Variants in NLRP13 observed in about 807,000 individuals in gnomAD.
NLRP13 encodes NACHT, LRR and PYD domains-containing protein 13.
Under a neutral mutation model 94.4 loss-of-function variants are expected in NLRP13, and 82 were observed. The ratio of observed to expected loss-of-function variants is 0.87; its 90% CI spans 0.73 to 1.04. The LOEUF (loss-of-function observed/expected upper bound fraction) is 1.04, where lower values mean the gene tolerates loss of function less well. Among genes scored for constraint, NLRP13 ranks in the 50% least tolerant of loss-of-function variants. The pLI, the probability that NLRP13 is intolerant of heterozygous loss-of-function variation, is 0.00. For missense variants in NLRP13, 1,426 were observed against 1,230.8 expected (o/e 1.16, Z -2.37); for synonymous variants, 553 against 464.7 (o/e 1.19, Z -2.45).
At position 55,911,797 on chromosome 19, in the gene NLRP13, A is replaced by C; in HGVS notation, c.2020T>G (p.Ser674Ala). Residue 674 changes from serine (S) to alanine (A), a missense_variant, in exon 5 of 11, where the codon TCT (serine) becomes GCT (alanine). Physicochemically the swap from Ser to Ala is moderately conservative, Grantham distance 99. Transcript: ENST00000342929. ...TTACAGTGCTTTAGGCAAAATGAAG[A>C]AGCTTGGAGTTCTTCGTCCTCCAAA... Reference protein sequence around the residue: ...NILEDEELQASSFCLKHCKRL... With the variant: ...NILEDEELQAASFCLKHCKRL... The C allele has an allele frequency of 6.2e-7, 1 of 1,614,162 alleles. No individual in the cohort carries two copies. Among genetic ancestry groups the C allele is most frequent in the African/African-American group, 1.3e-5 (1 of 75,062 alleles).
intron 10 of NLRP13, 136 bp from the exon 11 acceptor site, chr19:55,896,255 TG>T: frequency 1.1e-6 from 1 of 930,132 alleles, no homozygotes; most frequent in Non-Finnish European, 1.6e-6. Flanking sequence ...CCAGGCACAG[TG>T]GCTCACGCCT....
At chr19:55,897,624 T>A (rs1986050667) in intron 10 of NLRP13, among the ~76,000 whole-genome samples, 1 of 152,192 alleles carries the variant, frequency 6.6e-6, no homozygotes, top group African/African-American at 2.4e-5. Context: ...TAAACTTGAT[T>A]CAGAATGCAT....
chr19:55,919,973 C>T (rs988823251), intron 4 of NLRP13, among the ~76,000 whole-genome samples: 1 of 151,854 alleles, frequency 6.6e-6, no homozygotes, highest in African/African-American at 2.4e-5. Context: ...GGTACTAGTA[C>T]AAAAATAAAC....
chr19:55,928,989 C>T (rs1987037478), intron 1 of NLRP13, among the ~76,000 whole-genome samples: 1 of 152,072 alleles, frequency 6.6e-6, no homozygotes, highest in East Asian at 1.9e-4. Context: ...AGACACTTCT[C>T]AAAAGAAGAC....
chr19:55,915,354 T>C (rs1364222384), intron 4 of NLRP13, among the ~76,000 whole-genome samples: 1 of 151,998 alleles, frequency 6.6e-6, no homozygotes, highest in Non-Finnish European at 1.5e-5. Flanking sequence ...TCCCAGCACT[T>C]TGGGAGGCCG....
At position 55,912,445 on chromosome 19, in the gene NLRP13, A is replaced by G. The variant is rs1317228461; in HGVS notation, c.1372T>C (p.Tyr458His). 1 of 1,614,098 alleles carries G rather than the reference A, an allele frequency of 6.2e-7. No homozygotes were observed. Among genetic ancestry groups the G allele is most frequent in the African/African-American group, 1.3e-5 (1 of 74,930 alleles). Reference sequence around the variant, plus strand: ...GTGGAGAACAAGTTGGAGAAAAAATAGGCATACAGACTGGTGGTAGTCTGA... The same window carrying G: ...GTGGAGAACAAGTTGGAGAAAAAATGGGCATACAGACTGGTGGTAGTCTGA... ...ITQTTTSLYA[Y>H]FFSNLFSTAE... Residue 458 changes from tyrosine to histidine, a missense_variant, in exon 5 of 11, where the codon TAT (tyrosine) becomes CAT (histidine). Physicochemically the swap from Tyr to His is moderately conservative, Grantham distance 83 (BLOSUM62 2). Transcript: ENST00000342929.
Position 55,912,533 on chromosome 19 carries a change from A to G in NLRP13, c.1284T>C (p.Cys428=). 1 of 1,614,186 alleles carries G rather than the reference A, an allele frequency of 6.2e-7. No individual in the cohort carries two copies. The highest frequency in any genetic ancestry group is 8.5e-7 in the Non-Finnish European group (1 of 1,180,008). The change falls in exon 5 of 11, where the codon TGT becomes TGC. Residue 428 remains cysteine (C), a synonymous_variant. Coordinates refer to ENST00000342929, the MANE Select transcript of NLRP13 (RefSeq NM_176810.2). ...GCTTCAGACAGGAACATACGGTCCA[A>G]CACACCATGGGGGCACTGCAGGAAT... The part of the protein sequence containing the change: ...LFHSCSAPMV[C]WTVCSCLKQP...
intron 4 of NLRP13, among the ~76,000 whole-genome samples, chr19:55,917,527 A>G (rs916602238): frequency 5.9e-5 from 9 of 152,088 alleles, no homozygotes; most frequent in Non-Finnish European, 1.0e-4. Context: ...TGCTGCTTAA[A>G]AAAAAACTCA....
chr19:55,896,291 G>A (rs1051371344), intron 10 of NLRP13, among the ~76,000 whole-genome samples, 172 bp from the exon 11 acceptor site: 4 of 152,096 alleles, frequency 2.6e-5, no homozygotes, highest in African/African-American at 7.2e-5. Context: ...TTGGGAGGCC[G>A]AGGTGGGTAG....
At chr19:55,929,773 T>TA (rs945920205) in intron 1 of NLRP13, among the ~76,000 whole-genome samples, 4 of 150,164 alleles carry the variant, frequency 2.7e-5, no homozygotes, top group Non-Finnish European at 3.0e-5. Flanking sequence ...TGAAGTATAA[T>TA]AAAAAAATGA....
At chr19:55,909,169 T>G (rs999330735) in intron 6 of NLRP13, among the ~76,000 whole-genome samples, 1 of 152,180 alleles carries the variant, frequency 6.6e-6, no homozygotes, top group African/African-American at 2.4e-5. Flanking sequence ...AAGCTACGCA[T>G]TACTCTCTCC....
At chr19:55,917,845 A>G (rs748778416) in intron 4 of NLRP13, among the ~76,000 whole-genome samples, 13 of 152,110 alleles carry the variant, frequency 8.5e-5, no homozygotes, top group Non-Finnish European at 1.8e-4. Context: ...TGACAGCACT[A>G]GACAGATCAT....
intron 1 of NLRP13, among the ~76,000 whole-genome samples, chr19:55,929,928 A>G (rs900478784): frequency 6.6e-6 from 1 of 152,232 alleles, no homozygotes; most frequent in Non-Finnish European, 1.5e-5. Context: ...AAGAATTCTA[A>G]ATCTCATTCC....
chr19:55,895,443 G>A (rs367730247), downstream of NLRP13, among the ~76,000 whole-genome samples: 26 of 152,086 alleles, frequency 1.7e-4, no homozygotes, highest in East Asian at 4.5e-3. Flanking sequence ...AGCACTTTGA[G>A]ACGCCGAGGT....
chr19:55,902,271 GAGCCTCA>G, intron 8 of NLRP13, 66 bp from the exon 9 acceptor site: 1 of 1,346,430 alleles, frequency 7.4e-7, no homozygotes, highest in South Asian at 1.5e-5. Flanking sequence ...TCCTGGAACA[GAGCCTCA>G]GGGCCCCCTC....
At chr19:55,924,708 G>A (rs754286076) in intron 2 of NLRP13, 50 bp from the exon 3 acceptor site, 2 of 1,524,904 alleles carry the variant, frequency 1.3e-6, no homozygotes, top group African/African-American at 1.4e-5. Context: ...GAGTGAAAAT[G>A]GGCCAGCAAT....
rs376390732 is a variant in NLRP13, at chr19:55,913,284, C to G, written c.533G>C (p.Arg178Thr). Residue 178 changes from arginine to threonine, a missense_variant, in exon 5 of 11, where the codon AGA (arginine) becomes ACA (threonine). Coordinates refer to ENST00000342929, the MANE Select transcript of NLRP13 (RefSeq NM_176810.2). ...AGCCTTCATGTTCTCTCTGTATTTTCTTCTGTGGTCTAGAGAGGGCGGAGT... is the reference window on the plus strand; with the variant it reads ...AGCCTTCATGTTCTCTCTGTATTTTGTTCTGTGGTCTAGAGAGGGCGGAGT... ...PEMLEEADHR[R>T]KYRENMKAEL... The G allele has an allele frequency of 6.2e-7, 1 of 1,613,542 alleles. No individual in the cohort carries two copies. Among genetic ancestry groups the G allele is most frequent in the Non-Finnish European group, 8.5e-7 (1 of 1,179,846 alleles).
In NLRP13 at chr19:55,912,732, G is replaced by C. The variant is rs765112271; in HGVS notation, c.1085C>G (p.Thr362Arg). The change falls in exon 5 of 11, where the codon ACG (threonine) becomes AGG (arginine). Residue 362 changes from threonine to arginine, a missense_variant. Coordinates refer to ENST00000342929, the MANE Select transcript of NLRP13 (RefSeq NM_176810.2). ...ATCTCTCACAAACCAGGTCTTGATC[G>C]TGATCAGTAAGGTAGCCAGGGGAAC... ...ELVPLATLLITIKTWFVRDLK... is the reference protein window; with the variant it reads ...ELVPLATLLIRIKTWFVRDLK... 1 of 1,614,166 alleles carries C rather than the reference G, an allele frequency of 6.2e-7. No individual in the cohort carries two copies. The highest frequency in any genetic ancestry group is 1.6e-4 in the Middle Eastern group (1 of 6,062).
chr19:55,929,464 T>C (rs1568448174), intron 1 of NLRP13, among the ~76,000 whole-genome samples: 1 of 152,330 alleles, frequency 6.6e-6, no homozygotes, highest in East Asian at 1.9e-4. Flanking sequence ...GATGAGTTCA[T>C]GTCCTTCGCA....
Sources: allele counts gnomAD v4.1 joint callset (sites outside exome capture counted in the v4.1 genomes callset), GRCh38; gene constraint gnomAD v4.1.1; transcripts MANE v1.5; gene names NCBI Gene and HGNC (gene_info 2026-07-23, HGNC 2026-07-21).